The following CSMD1 variants were observed in gnomAD, a reference collection of about 807,000 sequenced individuals.
CSMD1 encodes CUB and sushi domain-containing protein 1.
In CSMD1, 213 loss-of-function variants were observed where a neutral mutation model predicts 417.5. The ratio of observed to expected loss-of-function variants is 0.51; its 90% CI spans 0.46 to 0.57. The LOEUF (loss-of-function observed/expected upper bound fraction) is 0.57, where lower values mean the gene tolerates loss of function less well. CSMD1 is among the 20% of genes least tolerant of loss of function. The probability of loss-of-function intolerance (pLI) is 0.00; values close to 1 mark genes in which losing one functional copy is unlikely to be tolerated. For synonymous variants in CSMD1, 2,862 were observed against 1,736.8 expected, an observed-to-expected ratio of 1.65 and a Z score of -16.11; for missense variants, 6,923 against 4,529.7, an observed-to-expected ratio of 1.53 and a Z score of -15.17.
intron 3 of CSMD1, among the ~76,000 whole-genome samples, chr8:4,200,087 T>C (rs1321997929): frequency 1.3e-5 from 2 of 152,224 alleles, no homozygotes; most frequent in African/African-American, 4.8e-5. Flanking sequence ...TTTATATTTT[T>C]ATGTAATAAG....
intron 10 of CSMD1, among the ~76,000 whole-genome samples, chr8:3,540,149 G>A (rs1417744564): frequency 6.6e-6 from 1 of 151,950 alleles, no homozygotes; most frequent in Non-Finnish European, 1.5e-5. Context: ...AAATTAAACT[G>A]AACTGAGTGT....
chr8:4,324,524 C>T (rs1034325607), intron 3 of CSMD1, among the ~76,000 whole-genome samples: 1 of 152,172 alleles, frequency 6.6e-6, no homozygotes, highest in Admixed American at 6.5e-5. Context: ...TTCTTCTCCA[C>T]CCCCAGGAGG....
At chr8:3,934,477 T>C (rs1810352949) in intron 5 of CSMD1, among the ~76,000 whole-genome samples, 1 of 152,178 alleles carries the variant, frequency 6.6e-6, no homozygotes, top group African/African-American at 2.4e-5. Context: ...TCTTTTTTTC[T>C]GAAGTATTTT....
chr8:3,562,417 A>ACACACACGTACACACATGCATAC (rs1554470709), intron 10 of CSMD1, among the ~76,000 whole-genome samples: 47,220 of 140,820 alleles, frequency 0.34, 8,085 homozygotes, highest in African/African-American at 0.43. Flanking sequence ...CACATGCACA[A>ACACACACGTACACACATGCATAC]ACACACATGC....
intron 10 of CSMD1, among the ~76,000 whole-genome samples, chr8:3,511,797 C>A (rs1045590601): frequency 6.7e-6 from 1 of 150,118 alleles, no homozygotes; most frequent in Admixed American, 6.7e-5. Flanking sequence ...CATAACATAA[C>A]ATAACATAAC....
intron 41 of CSMD1, among the ~76,000 whole-genome samples, chr8:3,133,641 C>G (rs1817915167): frequency 6.6e-6 from 1 of 152,082 alleles, no homozygotes; most frequent in Non-Finnish European, 1.5e-5. Context: ...TAGAGCTTAG[C>G]TCTGGGAAGG....
At chr8:3,611,569 A>G (rs1301042851) in intron 8 of CSMD1, among the ~76,000 whole-genome samples, 1 of 152,306 alleles carries the variant, frequency 6.6e-6, no homozygotes. Flanking sequence ...AAAGTTTTCT[A>G]ATTTTCATTA....
At chr8:3,478,682 T>G (rs113945679) in intron 11 of CSMD1, among the ~76,000 whole-genome samples, 1 of 152,080 alleles carries the variant, frequency 6.6e-6, no homozygotes, top group African/African-American at 2.4e-5. Flanking sequence ...GATGCAACTG[T>G]GACCCGTCTG....
At chr8:4,605,537 C>T (rs1373113660) in intron 2 of CSMD1, among the ~76,000 whole-genome samples, 4 of 152,194 alleles carry the variant, frequency 2.6e-5, no homozygotes, top group African/African-American at 9.7e-5. Flanking sequence ...AGAAAAATTA[C>T]AATTACGCAA....
At chr8:4,019,053 C>T (rs79214864) in intron 4 of CSMD1, among the ~76,000 whole-genome samples, 2 of 152,198 alleles carry the variant, frequency 1.3e-5, no homozygotes, top group Non-Finnish European at 2.9e-5. Context: ...CGCTTTGAGA[C>T]AGATGCTACT....
chr8:3,754,158 C>G (rs1190575625), intron 5 of CSMD1, 116 bp from the exon 6 acceptor site: 2 of 602,702 alleles, frequency 3.3e-6, no homozygotes, highest in East Asian at 2.9e-5. Context: ...ATGCTTAAAA[C>G]AGAGGCCATG....
At chr8:3,133,532 C>T (rs1015650870) in intron 41 of CSMD1, among the ~76,000 whole-genome samples, 5 of 152,100 alleles carry the variant, frequency 3.3e-5, no homozygotes, top group South Asian at 2.1e-4. Flanking sequence ...ACGTGGACAC[C>T]GGCAGACGAG....
Position 4,732,317 on chromosome 8 carries a change from A to G in CSMD1, c.86-94759T>C, listed in dbSNP as rs187578495. Among the ~76,000 whole-genome samples, 13 of 150,322 alleles carry G rather than the reference A, an allele frequency of 8.6e-5. No homozygotes were observed. In the East Asian group the frequency reaches 2.0e-3, roughly 23 times the overall value. On this transcript the variant is annotated intron_variant, in intron 1 of 69. Coordinates refer to ENST00000635120, the MANE Select transcript of CSMD1 (RefSeq NM_033225.6). ...CTTAATGTTAAATTAAGACACCTGA[A>G]GAGTTAATAGATTTAAATTTCTTCT...
chr8:3,249,368 G>A (rs966423663), intron 26 of CSMD1, among the ~76,000 whole-genome samples: 5 of 152,160 alleles, frequency 3.3e-5, no homozygotes, highest in Admixed American at 1.3e-4. Flanking sequence ...GACTACAGGC[G>A]CCCACCACCA....
intron 1 of CSMD1, among the ~76,000 whole-genome samples, chr8:4,679,153 G>C (rs1262646260): frequency 6.6e-6 from 1 of 152,096 alleles, no homozygotes; most frequent in Non-Finnish European, 1.5e-5. Flanking sequence ...ATATGGCCAA[G>C]ATCAACCACA....
intron 50 of CSMD1, among the ~76,000 whole-genome samples, chr8:3,041,323 A>G (rs1458918399): frequency 6.6e-6 from 1 of 152,196 alleles, no homozygotes; most frequent in Non-Finnish European, 1.5e-5. Context: ...TTATATTAAT[A>G]TAGAACAAGC....
chr8:4,288,111 C>G (rs1340524966), intron 3 of CSMD1, among the ~76,000 whole-genome samples: 15 of 152,116 alleles, frequency 9.9e-5, no homozygotes, highest in Admixed American at 7.2e-4. Flanking sequence ...ATTTTGCTAG[C>G]CATGCTTTCT....
At chr8:4,791,405 T>C (rs1375812030) in intron 1 of CSMD1, among the ~76,000 whole-genome samples, 1 of 152,208 alleles carries the variant, frequency 6.6e-6, no homozygotes, top group African/African-American at 2.4e-5. Flanking sequence ...TCCCTGAAAG[T>C]TTATGTGTTG....
intron 5 of CSMD1, among the ~76,000 whole-genome samples, chr8:3,790,317 C>G (rs999821885): frequency 6.6e-6 from 1 of 152,054 alleles, no homozygotes; most frequent in African/African-American, 2.4e-5. Flanking sequence ...CTGGCTGTAA[C>G]TTCAAATGTA....
Sources: allele counts gnomAD v4.1 joint callset (sites outside exome capture counted in the v4.1 genomes callset), GRCh38; gene constraint gnomAD v4.1.1; transcripts MANE v1.5; gene names NCBI Gene and HGNC (gene_info 2026-07-23, HGNC 2026-07-21).